The following NKAIN3 variants were observed in gnomAD, a reference collection of about 807,000 sequenced individuals.
NKAIN3 encodes the protein sodium/potassium-transporting ATPase subunit beta-1-interacting protein 3.
A neutral mutation model predicts 30.2 loss-of-function variants in NKAIN3; 25 were observed. That is an observed-to-expected ratio of 0.83 (90% CI 0.60 to 1.16). NKAIN3 has a LOEUF of 1.16. NKAIN3 is among the 50% of genes most tolerant of loss of function. The pLI, the probability that NKAIN3 is intolerant of heterozygous loss-of-function variation, is 0.00. For synonymous variants in NKAIN3, 91 were observed against 89.6 expected (o/e 1.02, Z -0.09); for missense variants, 225 against 254.1 (o/e 0.89, Z 0.78).
intron 1 of NKAIN3, among the ~76,000 whole-genome samples, chr8:62,350,605 TA>T (rs1816150347): frequency 1.3e-5 from 2 of 152,330 alleles, no homozygotes; most frequent in East Asian, 1.9e-4. Flanking sequence ...AATAAATGGT[TA>T]AAGTGTTAAA....
intron 3 of NKAIN3, among the ~76,000 whole-genome samples, chr8:62,613,577 T>C (rs371631622): frequency 6.6e-6 from 1 of 152,162 alleles, no homozygotes; most frequent in Non-Finnish European, 1.5e-5. Context: ...TTTGGGACTT[T>C]CTCTGTTATT....
intron 3 of NKAIN3, among the ~76,000 whole-genome samples, chr8:62,686,383 T>G (rs538292343): frequency 6.6e-6 from 1 of 152,224 alleles, no homozygotes; most frequent in African/African-American, 2.4e-5. Flanking sequence ...CCCAATTTAT[T>G]CTCTTGCATT....
At chr8:62,309,005 T>G (rs1401868399) in intron 1 of NKAIN3, among the ~76,000 whole-genome samples, 1 of 150,402 alleles carries the variant, frequency 6.6e-6, no homozygotes, top group African/African-American at 2.5e-5. Flanking sequence ...ATGGTTGTTT[T>G]GAAAATCAGT....
At position 62,685,106 on chromosome 8, in the gene NKAIN3, T is replaced by A. The variant is rs550585422; in HGVS notation, c.274-61826T>A. ...GTTGCCAAGTTGTTGTACAGGCTCT[T>A]ACCTGCAGCAATGGTTTTCTGCCCA... On this transcript the variant is annotated intron_variant, in intron 3 of 6. Coordinates refer to ENST00000623646, the MANE Select transcript of NKAIN3 (RefSeq NM_001304533.3). 7.0e-4 allele frequency among the ~76,000 whole-genome samples: 107 copies of A among 152,300 alleles called. 1 individual carries two copies. In the Middle Eastern group the frequency reaches 0.01, roughly 15 times the overall value.
chr8:62,563,459 T>G (rs1052447627), intron 1 of NKAIN3, among the ~76,000 whole-genome samples: 17 of 152,154 alleles, frequency 1.1e-4, no homozygotes, highest in Non-Finnish European at 2.4e-4. Flanking sequence ...TTTTATGGCA[T>G]GATTTATTTT....
chr8:62,361,830 G>GT (rs1457140888), intron 1 of NKAIN3, among the ~76,000 whole-genome samples: 2 of 152,146 alleles, frequency 1.3e-5, no homozygotes, highest in Non-Finnish European at 2.9e-5. Flanking sequence ...TCTCATGCTT[G>GT]TTTGTTTTTA....
intron 1 of NKAIN3, among the ~76,000 whole-genome samples, chr8:62,278,946 A>G (rs1352786232): frequency 1.3e-5 from 2 of 152,194 alleles, no homozygotes; most frequent in Non-Finnish European, 2.9e-5. Context: ...TCCTTAAGGA[A>G]TCACCACACT....
intron 3 of NKAIN3, among the ~76,000 whole-genome samples, chr8:62,729,040 C>CAAAAAAAAAAAAAAAAAAAA (rs1317282077): frequency 8.2e-5 from 5 of 61,194 alleles, no homozygotes; most frequent in East Asian, 3.8e-4. Context: ...AAAAAAAAAA[C>CAAAAAAAAAAAAAAAAAAAA]AAAAAAAAAA....
At chr8:62,746,862 T>G in intron 3 of NKAIN3, 70 bp from the exon 4 acceptor site, 1 of 1,115,420 alleles carries the variant, frequency 9.0e-7, no homozygotes, top group Non-Finnish European at 1.3e-6. Context: ...GAATTCTTCC[T>G]AAGGTCAAAG....
Position 62,437,142 on chromosome 8 carries a change from A to G in NKAIN3, c.55-142397A>G, listed in dbSNP as rs73261462. Among the ~76,000 whole-genome samples the G allele has an allele frequency of 2.5e-3, 335 of 133,712 alleles. 2 individuals are homozygous for G. Among genetic ancestry groups the G allele is most frequent in the Middle Eastern group, 7.6e-3 (2 of 264 alleles). 87.7% of individuals were successfully genotyped at this position (133,712 alleles called of 152,430 possible). A position where few individuals can be genotyped will look rare whatever the true frequency, so the allele number is the denominator to read the frequency against. On this transcript the variant is annotated intron_variant, in intron 1 of 6. Coordinates refer to ENST00000623646, the MANE Select transcript of NKAIN3 (RefSeq NM_001304533.3). ...GATTTTCAAGGACATCCTTATGAAC[A>G]GAGGTAGAATAGATTTTTTTTGACA...
chr8:62,300,033 G>T (rs1448489363), intron 1 of NKAIN3, among the ~76,000 whole-genome samples: 1 of 152,024 alleles, frequency 6.6e-6, no homozygotes, highest in Non-Finnish European at 1.5e-5. Flanking sequence ...TGTTTCATTG[G>T]TAAAACTTGA....
intron 4 of NKAIN3, among the ~76,000 whole-genome samples, chr8:62,790,549 TTG>T (rs60487439): frequency 0.27 from 39,448 of 148,212 alleles, 5,410 homozygotes; most frequent in East Asian, 0.37. Flanking sequence ...GCTCTTTTCC[TTG>T]TGTGTGTGTG....
At chr8:62,548,105 A>G (rs776864938) in intron 1 of NKAIN3, among the ~76,000 whole-genome samples, 1 of 151,968 alleles carries the variant, frequency 6.6e-6, no homozygotes, top group Non-Finnish European at 1.5e-5. Context: ...GAACCTGTCC[A>G]CTCTTATGCC....
rs1823847381 is a variant in NKAIN3 at position 62,972,056 on chromosome 8, A to G, written c.*6649A>G. ...ACAATAAATTAATTCTTCTATGGTC[A>G]TAACACTTGGCTATTTTATTTTGGT... On this transcript the variant is annotated 3_prime_UTR_variant, in exon 7 of 7. Coordinates refer to ENST00000623646, the MANE Select transcript of NKAIN3 (RefSeq NM_001304533.3). Among the ~76,000 whole-genome samples, 1 of 152,200 alleles carries G rather than the reference A, an allele frequency of 6.6e-6. No individual in the cohort carries two copies. The highest frequency in any genetic ancestry group is 1.5e-5 in the Non-Finnish European group (1 of 68,032).
At chr8:62,985,452 C>A (rs1824183340), downstream of NKAIN3, among the ~76,000 whole-genome samples, 1 of 152,210 alleles carries the variant, frequency 6.6e-6, no homozygotes. Flanking sequence ...CTGCCTCTAT[C>A]TTGTTGCTCC....
At chr8:62,270,605 T>C (rs1276148382) in intron 1 of NKAIN3, among the ~76,000 whole-genome samples, 4 of 152,188 alleles carry the variant, frequency 2.6e-5, no homozygotes, top group South Asian at 2.1e-4. Flanking sequence ...AAATGTATAA[T>C]ACATTATTAT....
chr8:62,674,884 G>A lies in NKAIN3; in HGVS notation c.274-72048G>A, dbSNP rs181160445. Among the ~76,000 whole-genome samples the A allele has an allele frequency of 3.3e-5, 5 of 152,296 alleles. No individual in the cohort carries two copies. In the East Asian group the frequency reaches 9.6e-4, roughly 29 times the overall value. On this transcript the variant is annotated intron_variant, in intron 3 of 6. Transcript: ENST00000623646. ...GCTGCGCCAATCACAAAACCGCCAC[G>A]TAAGGATAATTAAAGTGGGGGACAG...
intron 4 of NKAIN3, among the ~76,000 whole-genome samples, chr8:62,918,197 T>C (rs1424547524): frequency 6.6e-6 from 1 of 152,206 alleles, no homozygotes; most frequent in Non-Finnish European, 1.5e-5. Context: ...GAACTGTAAG[T>C]CCCAAATCAA....
intron 1 of NKAIN3, among the ~76,000 whole-genome samples, chr8:62,491,180 A>G (rs930541609): frequency 6.6e-5 from 10 of 152,214 alleles, no homozygotes; most frequent in Admixed American, 1.3e-4. Context: ...AGAAATATGT[A>G]TTATAAATCT....
Sources: allele counts gnomAD v4.1 joint callset (sites outside exome capture counted in the v4.1 genomes callset), GRCh38; gene constraint gnomAD v4.1.1; transcripts MANE v1.5; gene names NCBI Gene and HGNC (gene_info 2026-07-23, HGNC 2026-07-21).